AGAP1: variants seen among roughly 807,000 people sequenced by gnomAD.
AGAP1 encodes the protein ArfGAP with GTPase domain, ankyrin repeat and PH domain 1, also known as arf-GAP with GTPase, ANK repeat and PH domain-containing protein 1.
Under a neutral mutation model 105.3 loss-of-function variants are expected in AGAP1, and 29 were observed. The ratio of observed to expected loss-of-function variants is 0.28; its 90% CI spans 0.21 to 0.38. The LOEUF is 0.38. AGAP1 is among the 10% of genes least tolerant of loss of function. AGAP1 has a pLI of 1.00. For missense variants in AGAP1, 998 were observed against 1,165.1 expected (o/e 0.86, Z 2.09); for synonymous variants, 509 against 485.9 (o/e 1.05, Z -0.63).
chr2:235,670,091 G>A (rs1423360228), intron 1 of AGAP1: 3 of 445,424 alleles, frequency 6.7e-6, no homozygotes, highest in South Asian at 7.8e-5. Context: ...GCCCCAGCGC[G>A]CGGGCGACAT....
At chr2:235,861,048 T>C (rs529415032) in intron 9 of AGAP1, among the ~76,000 whole-genome samples, 26 of 152,332 alleles carry the variant, frequency 1.7e-4, no homozygotes, top group African/African-American at 6.3e-4. Flanking sequence ...CCCACTAATA[T>C]GTTACAGGAA....
At chr2:236,008,714 A>G (rs2056407739) in intron 13 of AGAP1, among the ~76,000 whole-genome samples, 1 of 152,198 alleles carries the variant, frequency 6.6e-6, no homozygotes, top group Admixed American at 6.5e-5. Context: ...ATGTGCACCT[A>G]CGTTAGCCCA....
Position 235,535,456 on chromosome 2 carries a change from T to G in AGAP1, c.163+40607T>G, listed in dbSNP as rs1943180817. On this transcript the variant is annotated intron_variant, in intron 1 of 17. Transcript: ENST00000304032. The surrounding 1 kb of genome is among the most constrained non-coding windows in gnomAD (Gnocchi z 5.1). ...GCCCTTTTTCTTTTTCCCATCGAGGTGCAGGAGGAATTGATCTTAGGGTAG... is the reference window on the plus strand; with the variant it reads ...GCCCTTTTTCTTTTTCCCATCGAGGGGCAGGAGGAATTGATCTTAGGGTAG... Among the ~76,000 whole-genome samples the G allele has an allele frequency of 6.6e-6, 1 of 150,422 alleles. No individual in the cohort carries two copies.
chr2:235,660,396 C>G lies in AGAP1; in HGVS notation c.164-48783C>G, dbSNP rs534781701. ...TACCTGCACTGATTAAGTCAACCAT[C>G]AAGCAGCATTTATTAAGTAGAACAT... is the stretch of plus-strand genomic sequence containing the variant. On this transcript the variant is annotated intron_variant, in intron 1 of 17. Transcript: ENST00000304032. The surrounding 1 kb of genome is among the most constrained non-coding windows in gnomAD (Gnocchi z 5.3). Among the ~76,000 whole-genome samples the G allele has an allele frequency of 1.3e-4, 20 of 152,160 alleles. No individual in the cohort carries two copies. Among genetic ancestry groups the G allele is most frequent in the Non-Finnish European group, 2.2e-4 (15 of 68,044 alleles).
At chr2:235,657,053 A>G (rs1038481327) in intron 1 of AGAP1, among the ~76,000 whole-genome samples, 2 of 152,202 alleles carry the variant, frequency 1.3e-5, no homozygotes, top group African/African-American at 2.4e-5. Flanking sequence ...GCTCTCATGC[A>G]TGTGCTGTTA....
At chr2:235,833,858 T>TG (rs1369637730) in intron 9 of AGAP1, among the ~76,000 whole-genome samples, 2 of 141,432 alleles carry the variant, frequency 1.4e-5, no homozygotes, top group Admixed American at 1.3e-4. Flanking sequence ...CAATCTGGTT[T>TG]TTTTTTTTTT....
intron 1 of AGAP1, among the ~76,000 whole-genome samples, chr2:235,540,673 C>CA (rs2149094044): frequency 6.6e-6 from 1 of 152,238 alleles, no homozygotes; most frequent in Non-Finnish European, 1.5e-5. Flanking sequence ...TAATGGTGAG[C>CA]AAATCCTTGT....
rs572374651 is a variant in AGAP1 at position 235,586,558 on chromosome 2, T to C, written c.163+91709T>C. ...CAGAGGCTGACTCCAGAGGATGCTGTGCACAGGCCTGTGTGACCTGAAGGC... is the reference window on the plus strand; with the variant it reads ...CAGAGGCTGACTCCAGAGGATGCTGCGCACAGGCCTGTGTGACCTGAAGGC... On this transcript the variant is annotated intron_variant, in intron 1 of 17. Transcript: ENST00000304032. This position sits in a 1 kb window ranked among gnomAD's most constrained non-coding sequence, Gnocchi z 4.2. Among the ~76,000 whole-genome samples the C allele has an allele frequency of 1.3e-5, 2 of 152,352 alleles. No individual in the cohort carries two copies. Among genetic ancestry groups the C allele is most frequent in the Non-Finnish European group, 2.9e-5 (2 of 68,028 alleles).
At position 235,971,349 on chromosome 2, in the gene AGAP1, G is replaced by T. The variant is rs375641985; in HGVS notation, c.1645+2726G>T. 3.0e-3 allele frequency among the ~76,000 whole-genome samples: 450 copies of T among 152,240 alleles called. 1 individual carries two copies. The highest frequency in any genetic ancestry group is 4.9e-3 in the Non-Finnish European group (336 of 68,024). ...AGATTCAGTGATATATGATATTTTT[G>T]ATAGTTTTATTTACTGTTAATTCCT... On this transcript the variant is annotated intron_variant, in intron 13 of 17. Transcript: ENST00000304032. The surrounding 1 kb of genome is among the most constrained non-coding windows in gnomAD (Gnocchi z 4.8).
rs1947976956 is a variant in AGAP1, at chr2:235,662,102, G to A, written c.164-47077G>A. On this transcript the variant is annotated intron_variant, in intron 1 of 17. Coordinates refer to ENST00000304032, the MANE Select transcript of AGAP1 (RefSeq NM_001037131.3). This position sits in a 1 kb window ranked among gnomAD's most constrained non-coding sequence, Gnocchi z 4.2. ...GAAAAGACCATGGCGCTGAGGAGGC[G>A]GCACGGCCTGGCCCTCCACCTCCAA... 6.6e-6 allele frequency among the ~76,000 whole-genome samples: 1 copy of A among 152,166 alleles called. No homozygotes were observed. The highest frequency in any genetic ancestry group is 2.4e-5 in the African/African-American group (1 of 41,430).
chr2:235,613,131 G>T (rs779605208), intron 1 of AGAP1, among the ~76,000 whole-genome samples: 26 of 151,876 alleles, frequency 1.7e-4, no homozygotes, highest in Non-Finnish European at 3.2e-4. Flanking sequence ...GAGTAGCTGG[G>T]ATTACAGGCA....
chr2:236,111,821 C>G (rs10199380), intron 16 of AGAP1, among the ~76,000 whole-genome samples: 3,024 of 151,612 alleles, frequency 0.02, 97 homozygotes, highest in African/African-American at 0.068. Context: ...AGGGTCCATC[C>G]CGGTATCAGG....
intron 1 of AGAP1, among the ~76,000 whole-genome samples, chr2:235,567,960 T>C (rs919501171): frequency 6.6e-6 from 1 of 152,096 alleles, no homozygotes; most frequent in African/African-American, 2.4e-5. Flanking sequence ...TTCTGGAAGG[T>C]GGCTTTGGAG....
intron 13 of AGAP1, among the ~76,000 whole-genome samples, chr2:235,995,384 C>T (rs531559801): frequency 2.6e-5 from 4 of 151,696 alleles, no homozygotes; most frequent in East Asian, 2.0e-4. Flanking sequence ...CTTGGTGGTG[C>T]GCACCTATAA....
intron 9 of AGAP1, among the ~76,000 whole-genome samples, chr2:235,848,018 C>T (rs1202648018): frequency 6.6e-6 from 1 of 152,220 alleles, no homozygotes; most frequent in East Asian, 1.9e-4. Flanking sequence ...AAGCAAATGC[C>T]ATTCACAGCC....
chr2:236,060,644 G>A (rs570449500), intron 16 of AGAP1, among the ~76,000 whole-genome samples: 4 of 152,142 alleles, frequency 2.6e-5, no homozygotes, highest in South Asian at 2.1e-4. Flanking sequence ...GCAGTGAGCC[G>A]TGATCGCACC....
rs1229118167 is a variant in AGAP1 at position 235,855,642 on chromosome 2, T to G, written c.1051-27703T>G. On this transcript the variant is annotated intron_variant, in intron 9 of 17. Coordinates refer to ENST00000304032, the MANE Select transcript of AGAP1 (RefSeq NM_001037131.3). This position sits in a 1 kb window ranked among gnomAD's most constrained non-coding sequence, Gnocchi z 5.0. ...TATTATAAATACACAGCTACTCATC[T>G]CATTCTCTTATCTCCACTGTGCTGG... Among the ~76,000 whole-genome samples the G allele has an allele frequency of 6.6e-6, 1 of 152,224 alleles. No individual in the cohort carries two copies. Among genetic ancestry groups the G allele is most frequent in the Non-Finnish European group, 1.5e-5 (1 of 68,040 alleles).
intron 9 of AGAP1, among the ~76,000 whole-genome samples, chr2:235,819,901 TTTC>T (rs1211653847): frequency 1.4e-5 from 2 of 139,392 alleles, no homozygotes; most frequent in Non-Finnish European, 3.2e-5. Context: ...TTCTTCTTTC[TTTC>T]TTTTTTTTTT....
chr2:235,551,065 C>T lies in AGAP1; in HGVS notation c.163+56216C>T, dbSNP rs930852292. ...CTGGGATTACAGGCGTGAGCCACCGCGCTCGGCCATAGATAGTGTTTCTTA... is the reference window on the plus strand; with the variant it reads ...CTGGGATTACAGGCGTGAGCCACCGTGCTCGGCCATAGATAGTGTTTCTTA... On this transcript the variant is annotated intron_variant, in intron 1 of 17. Transcript: ENST00000304032. The surrounding 1 kb of genome is among the most constrained non-coding windows in gnomAD (Gnocchi z 4.8). Among the ~76,000 whole-genome samples, 16 of 152,110 alleles carry T rather than the reference C, an allele frequency of 1.1e-4. No homozygotes were observed. Among genetic ancestry groups the T allele is most frequent in the South Asian group, 2.1e-4 (1 of 4,824 alleles).
Sources: gnomAD v4.1 joint callset for allele counts (sites outside exome capture counted in the v4.1 genomes callset) on GRCh38, gnomAD v4.1.1 for gene constraint, Gnocchi (gnomAD v3.1) non-coding constraint, MANE v1.5 for transcripts, NCBI Gene and HGNC (gene_info 2026-07-23, HGNC 2026-07-21) for gene names.